ALDH1L2: variants seen among roughly 807,000 people sequenced by gnomAD.
ALDH1L2 encodes the protein aldehyde dehydrogenase 1 family member L2.
In ALDH1L2, 91 loss-of-function variants were observed where a neutral mutation model predicts 111.0. The ratio of observed to expected loss-of-function variants is 0.82; its 90% confidence interval spans 0.69 to 0.98. The LOEUF is 0.98. Among genes scored for constraint, ALDH1L2 ranks in the 50% least tolerant of loss-of-function variants. ALDH1L2 has a pLI of 0.00. For synonymous variants in ALDH1L2, 374 were observed against 392.6 expected, an observed-to-expected ratio of 0.95 and a Z score of 0.56; for missense variants, 995 against 1,126.8, an observed-to-expected ratio of 0.88 and a Z score of 1.67.
At position 105,024,300 on chromosome 12, in the gene ALDH1L2, T is replaced by G; in HGVS notation, c.*124A>C. On this transcript the variant is annotated 3_prime_UTR_variant, in exon 23 of 23. Transcript: ENST00000258494. ...CTTTAACATGGCCTGGCCCTCTTCA[T>G]GGTCCATCTGTGTATTTTTTGGTTT... The G allele has an allele frequency of 9.8e-7, 1 of 1,022,282 alleles. No homozygotes were observed. Among genetic ancestry groups the G allele is most frequent in the Non-Finnish European group, 1.5e-6 (1 of 663,192 alleles). The allele number at this position is 1,022,282 out of a possible 1,614,324, so 63.3% of individuals were successfully genotyped here.
In ALDH1L2 at chr12:105,074,898, C is replaced by T. The variant is rs559133476; in HGVS notation, c.49-893G>A. Among the ~76,000 whole-genome samples, 9 of 152,302 alleles carry T rather than the reference C, an allele frequency of 5.9e-5. No individual in the cohort carries two copies. The South Asian group carries it at 1.0e-3, about 18-fold the overall frequency. The stretch of plus-strand genomic sequence containing the variant: ...AACATCCTAGGGTCAGCCAAACTTT[C>T]TATCCCCAAAGAACCTAAGTAAGCT... On this transcript the variant is annotated intron_variant, in intron 1 of 22. Transcript: ENST00000258494.
Position 105,061,022 on chromosome 12 carries a change from T to C in ALDH1L2, c.1098A>G (p.Thr366=), listed in dbSNP as rs780652955. 9 of 1,614,060 alleles carry C rather than the reference T, an allele frequency of 5.6e-6. No homozygotes were observed. The highest frequency in any genetic ancestry group is 7.6e-6 in the Non-Finnish European group (9 of 1,179,964). ...AGCTTGCTCCAGATTTAAAGAAGTC[T>C]GTTGAGTCTTCAATAATGGGGACAT... The part of the protein sequence containing the change: ...LSNVPIIEDS[T]DFFKSGASSM... The change falls in exon 9 of 23, where the codon ACA becomes ACG. Residue 366 remains threonine, a synonymous_variant. Transcript: ENST00000258494.
intron 20 of ALDH1L2, 78 bp from the exon 21 acceptor site, chr12:105,030,507 A>G: frequency 1.6e-6 from 2 of 1,240,774 alleles, no homozygotes; most frequent in Non-Finnish European, 2.2e-6. Context: ...ACTTAATTAC[A>G]TTATAATTTT....
At position 105,063,024 on chromosome 12, in the gene ALDH1L2, T is replaced by C; in HGVS notation, c.787-2A>G. On this transcript the variant is annotated splice_acceptor_variant, in intron 6 of 22. Coordinates refer to ENST00000258494, the MANE Select transcript of ALDH1L2 (RefSeq NM_001034173.4). LOFTEE classifies it high-confidence loss of function. ...TGTCGAGCCATAGAAAGTGACCATC[T>C]AGTAAAGAGATCAAACACAGATTGT... 1 of 1,611,482 alleles carries C rather than the reference T, an allele frequency of 6.2e-7. No individual in the cohort carries two copies. Among genetic ancestry groups the C allele is most frequent in the Non-Finnish European group, 8.5e-7 (1 of 1,179,296 alleles).
chr12:105,078,328 G>A (rs558732051), intron 1 of ALDH1L2, among the ~76,000 whole-genome samples: 270 of 152,252 alleles, frequency 1.8e-3, no homozygotes, highest in African/African-American at 4.9e-3. Context: ...GCATGGTGGC[G>A]CGTGCCTGTA....
chr12:105,070,804 G>A lies in ALDH1L2; in HGVS notation c.194C>T (p.Ala65Val). 5 of 1,602,042 alleles carry A rather than the reference G, an allele frequency of 3.1e-6. No homozygotes were observed. The highest frequency in any genetic ancestry group is 1.7e-4 in the Middle Eastern group (1 of 6,000). ...GGTCCCATCTTTCTCTGCAGCCAAA[G>A]CTGAGCATAAAAAAGAAGATTTTTT... ...PDKDGKADPL[A>V]LAAEKDGTPV... Residue 65 changes from alanine (A) to valine (V), a missense_variant and splice_region_variant, in exon 3 of 23, where the codon GCT becomes GTT. By Grantham distance (64) the Ala-to-Val change is moderately conservative. Coordinates refer to ENST00000258494, the MANE Select transcript of ALDH1L2 (RefSeq NM_001034173.4).
At chr12:105,027,589 G>A (rs546637788) in intron 21 of ALDH1L2, among the ~76,000 whole-genome samples, 15 of 152,196 alleles carry the variant, frequency 9.9e-5, no homozygotes, top group African/African-American at 2.9e-4. Context: ...TTATTATTGC[G>A]AACCATGGAA....
chr12:105,061,186 A>G, intron 8 of ALDH1L2, 114 bp from the exon 9 acceptor site: 20 of 859,642 alleles, frequency 2.3e-5, no homozygotes, highest in Non-Finnish European at 3.5e-5. Flanking sequence ...TCAGCTGTAC[A>G]TACAGCTGGA....
At chr12:105,065,218 A>C in intron 6 of ALDH1L2, 49 bp downstream of exon 6, 1 of 1,091,764 alleles carries the variant, frequency 9.2e-7, no homozygotes, top group Non-Finnish European at 1.3e-6. Flanking sequence ...ATCTCTTACA[A>C]AGGTAATAAT....
chr12:105,076,920 T>A (rs1275665596), intron 1 of ALDH1L2, among the ~76,000 whole-genome samples: 4 of 152,170 alleles, frequency 2.6e-5, no homozygotes, highest in Non-Finnish European at 5.9e-5. Flanking sequence ...AACAAAGGGG[T>A]CAGAAAGTTA....
intron 10 of ALDH1L2, 44 bp downstream of exon 10, chr12:105,058,029 T>A (rs371696307): frequency 2.1e-4 from 332 of 1,589,272 alleles, no homozygotes; most frequent in Non-Finnish European, 2.7e-4. Flanking sequence ...TTATAGTGTA[T>A]GGATCTCACT....
Position 105,039,770 on chromosome 12 carries a change from T to A in ALDH1L2, c.1988A>T (p.Asp663Val). 3.7e-6 allele frequency: 6 copies of A among 1,614,078 alleles called. No individual in the cohort carries two copies. Among genetic ancestry groups the A allele is most frequent in the Non-Finnish European group, 5.1e-6 (6 of 1,179,976 alleles). Reference sequence around the variant, plus strand: ...TCCAGTGAAACCAAGTTTGCGGATGTCAGGATGTTCAGACAGACGTTGTCC... The same window carrying A: ...TCCAGTGAAACCAAGTTTGCGGATGACAGGATGTTCAGACAGACGTTGTCC... ...IAGQRLSEHP[D>V]IRKLGFTGST... The change falls in exon 17 of 23, where the codon GAC (aspartate) becomes GTC (valine). Residue 663 changes from aspartate (D) to valine (V), a missense_variant. Asp to Val is a radical substitution (Grantham distance 152). Coordinates refer to ENST00000258494, the MANE Select transcript of ALDH1L2 (RefSeq NM_001034173.4).
rs543787222 is a variant in ALDH1L2 at position 105,082,991 on chromosome 12, T to C, written c.48+1398A>G. On this transcript the variant is annotated intron_variant, in intron 1 of 22. Transcript: ENST00000258494. The stretch of plus-strand genomic sequence containing the variant: ...ATCACTGCTTTTCCATATGCACCCC[T>C]GCGTACAGTTAGACCCTGATCACGC... Among the ~76,000 whole-genome samples, 34 of 152,364 alleles carry C rather than the reference T, an allele frequency of 2.2e-4. No individual in the cohort carries two copies. In the South Asian group the frequency reaches 6.8e-3, roughly 31 times the overall value.
At chr12:105,072,748 C>A (rs894973419) in intron 2 of ALDH1L2, among the ~76,000 whole-genome samples, 2 of 152,168 alleles carry the variant, frequency 1.3e-5, no homozygotes, top group Middle Eastern at 3.4e-3. Flanking sequence ...CCAAGGTGGG[C>A]GGATCACCTG....
chr12:105,030,322 A>G lies in ALDH1L2; in HGVS notation c.2516+2T>C, dbSNP rs1402876338. ...AAGTTACATTGTGTCTGAAGAACCT[A>G]CCCATTTTGGAATTTAGAAATGACC... On this transcript the variant is annotated splice_donor_variant, in intron 21 of 22. Coordinates refer to ENST00000258494, the MANE Select transcript of ALDH1L2 (RefSeq NM_001034173.4). LOFTEE classifies it high-confidence loss of function. 1.9e-6 allele frequency: 3 copies of G among 1,607,192 alleles called. No homozygotes were observed. The highest frequency in any genetic ancestry group is 2.5e-6 in the Non-Finnish European group (3 of 1,177,016).
rs12366367 is a variant in ALDH1L2, at chr12:105,045,094, G to T, written c.1863+1616C>A. ...ATGATTGAAGTTTGTTTGTTTGTTTGTTTTTTGAGACAGAGTTTCACTCTT... is the reference window on the plus strand; with the variant it reads ...ATGATTGAAGTTTGTTTGTTTGTTTTTTTTTTGAGACAGAGTTTCACTCTT... On this transcript the variant is annotated intron_variant, in intron 15 of 22. Coordinates refer to ENST00000258494, the MANE Select transcript of ALDH1L2 (RefSeq NM_001034173.4). 1.7e-4 allele frequency among the ~76,000 whole-genome samples: 21 copies of T among 122,616 alleles called. 1 individual carries two copies. Among genetic ancestry groups the T allele is most frequent in the Non-Finnish European group, 3.5e-4 (18 of 51,890 alleles). 80.4% of individuals were successfully genotyped at this position (122,616 alleles called of 152,430 possible).
chr12:105,044,344 G>A (rs1472746575), intron 15 of ALDH1L2, among the ~76,000 whole-genome samples: 2 of 151,674 alleles, frequency 1.3e-5, no homozygotes, highest in South Asian at 2.1e-4. Context: ...TTGGAAAAAC[G>A]TGACGCTTTT....
intron 15 of ALDH1L2, among the ~76,000 whole-genome samples, chr12:105,042,224 T>C (rs1318098482): frequency 6.6e-6 from 1 of 152,220 alleles, no homozygotes; most frequent in Non-Finnish European, 1.5e-5. Flanking sequence ...GATTCTATCC[T>C]TCTGCCCTTT....
intron 2 of ALDH1L2, among the ~76,000 whole-genome samples, chr12:105,071,633 TATATATA>T (rs1565972494): frequency 7.3e-4 from 12 of 16,456 alleles, no homozygotes; most frequent in Admixed American, 2.3e-3. Context: ...TATATATATA[TATATATA>T]TATTTTTTTT....
Sources: allele counts gnomAD v4.1 joint callset (sites outside exome capture counted in the v4.1 genomes callset), GRCh38; gene constraint gnomAD v4.1.1; transcripts MANE v1.5; gene names NCBI Gene and HGNC (gene_info 2026-07-23, HGNC 2026-07-21).